FNDC3A: variants seen among roughly 807,000 people sequenced by gnomAD.
FNDC3A encodes the protein fibronectin type-III domain-containing protein 3A.
Under a neutral mutation model 148.9 loss-of-function variants are expected in FNDC3A, and 32 were observed. The observed-to-expected ratio is 0.21, with a 90% CI of 0.16 to 0.29. The LOEUF is 0.29. Ranked by LOEUF, FNDC3A falls within the 10% of genes least tolerant of loss-of-function variation. The probability of loss-of-function intolerance (pLI) is 1.00; values close to 1 mark genes in which losing one functional copy is unlikely to be tolerated. For synonymous variants in FNDC3A, 472 were observed against 473.6 expected (o/e 1.00, Z 0.04); for missense variants, 1,191 against 1,452.8 (o/e 0.82, Z 2.93).
chr13:49,067,783 T>C (rs750484395), intron 2 of FNDC3A, among the ~76,000 whole-genome samples: 14 of 152,154 alleles, frequency 9.2e-5, no homozygotes, highest in East Asian at 1.9e-4. Context: ...TATATACCAA[T>C]CCAGGTTGTT....
intron 2 of FNDC3A, among the ~76,000 whole-genome samples, chr13:49,017,530 A>G (rs563068647): frequency 7.9e-5 from 12 of 152,292 alleles, no homozygotes; most frequent in Admixed American, 5.9e-4. Flanking sequence ...AATACAGCAC[A>G]CTGATGGGTC....
intron 2 of FNDC3A, among the ~76,000 whole-genome samples, chr13:49,054,771 G>A (rs1049970552): frequency 7.2e-4 from 109 of 152,242 alleles, no homozygotes; most frequent in Non-Finnish European, 1.4e-3. Context: ...AGGTGGAAGG[G>A]CAGTTGCCTG....
intron 8 of FNDC3A, among the ~76,000 whole-genome samples, chr13:49,166,294 C>A (rs889133824): frequency 6.6e-6 from 1 of 152,218 alleles, no homozygotes. Context: ...TGTGCAGCAG[C>A]TTCACTGCTG....
intron 10 of FNDC3A, 52 bp from the exon 11 acceptor site, chr13:49,171,991 A>G: frequency 8.2e-7 from 1 of 1,218,112 alleles, no homozygotes; most frequent in Non-Finnish European, 1.2e-6. Flanking sequence ...TCACAGTATC[A>G]TTTATGAATG....
intron 2 of FNDC3A, among the ~76,000 whole-genome samples, chr13:49,071,005 C>T (rs941581293): frequency 6.8e-6 from 1 of 148,050 alleles, no homozygotes; most frequent in Admixed American, 6.8e-5. Context: ...ATAAAGCAAT[C>T]CTCCTGCCTC....
intron 5 of FNDC3A, 108 bp downstream of exon 5, chr13:49,131,482 G>T: frequency 1.2e-6 from 1 of 827,626 alleles, no homozygotes; most frequent in Non-Finnish European, 2.0e-6. Flanking sequence ...TGGTAATGAT[G>T]TAACAGGCAT....
chr13:49,161,359 A>G (rs751075814), intron 8 of FNDC3A, among the ~76,000 whole-genome samples: 6 of 152,200 alleles, frequency 3.9e-5, no homozygotes, highest in Non-Finnish European at 8.8e-5. Context: ...CCATTATGTA[A>G]TGGCCTTGTC....
At chr13:49,151,799 A>C (rs1226799697) in intron 8 of FNDC3A, among the ~76,000 whole-genome samples, 1 of 152,006 alleles carries the variant, frequency 6.6e-6, no homozygotes, top group African/African-American at 2.4e-5. Context: ...TCATTGTTCA[A>C]TTTCCACCTA....
chr13:49,143,084 T>C (rs1291907625), intron 7 of FNDC3A, among the ~76,000 whole-genome samples: 1 of 152,164 alleles, frequency 6.6e-6, no homozygotes, highest in Non-Finnish European at 1.5e-5. Flanking sequence ...GCCAGGCTGG[T>C]CTTGAACTCT....
chr13:49,182,829 C>T (rs1230728955), intron 14 of FNDC3A, among the ~76,000 whole-genome samples: 1 of 151,992 alleles, frequency 6.6e-6, no homozygotes, highest in Non-Finnish European at 1.5e-5. Flanking sequence ...CCTAAGTGTG[C>T]CCTAGCTAAG....
chr13:49,152,078 T>C (rs1414955077), intron 8 of FNDC3A, among the ~76,000 whole-genome samples: 3 of 152,196 alleles, frequency 2.0e-5, no homozygotes, highest in Admixed American at 6.5e-5. Flanking sequence ...TAATAATCCT[T>C]TGTGTATATA....
At chr13:49,030,972 A>G (rs1038027453) in intron 2 of FNDC3A, among the ~76,000 whole-genome samples, 1 of 152,226 alleles carries the variant, frequency 6.6e-6, no homozygotes, top group Non-Finnish European at 1.5e-5. Flanking sequence ...TTCCCAGCTT[A>G]CTTCTTTGTA....
chr13:49,207,297 G>A lies in FNDC3A; in HGVS notation c.3499G>A (p.Ala1167Thr). The change falls in exon 26 of 26, where the codon GCA becomes ACA. Residue 1167 changes from alanine to threonine, a missense_variant. Ala to Thr is a moderately conservative substitution (Grantham distance 58). Transcript: ENST00000492622. ...DTVESTRTRR[A>T]LSDEQCAAVI... ...TGTGGAAAGCACAAGGACCCGACGG[G>A]CACTGAGTGACGAGCAGTGTGCTGC... 6.2e-7 allele frequency: 1 copy of A among 1,614,110 alleles called. No individual in the cohort carries two copies. The highest frequency in any genetic ancestry group is 8.5e-7 in the Non-Finnish European group (1 of 1,179,958).
At chr13:49,173,534 C>T (rs1197910129) in intron 11 of FNDC3A, among the ~76,000 whole-genome samples, 1 of 152,096 alleles carries the variant, frequency 6.6e-6, no homozygotes, top group Non-Finnish European at 1.5e-5. Context: ...TCAAGATTGC[C>T]AATTATCCCT....
chr13:49,169,615 G>C (rs1027208204), intron 10 of FNDC3A, among the ~76,000 whole-genome samples: 1 of 152,124 alleles, frequency 6.6e-6, no homozygotes, highest in African/African-American at 2.4e-5. Flanking sequence ...CCCTAGAATG[G>C]GGTACCACTC....
In FNDC3A at chr13:49,207,332, T is replaced by A; in HGVS notation, c.3534T>A (p.Leu1178=). 8 of 1,613,842 alleles carry A rather than the reference T, an allele frequency of 5.0e-6. No individual in the cohort carries two copies. Among genetic ancestry groups the A allele is most frequent in the Non-Finnish European group, 6.8e-6 (8 of 1,179,670 alleles). ...ACGAGCAGTGTGCTGCCGTCATCCT[T>A]GTGCTGTTTGCTTTCTTTTCCATTT... ...LSDEQCAAVI[L]VLFAFFSILI... The change falls in exon 26 of 26, where the codon CTT becomes CTA. Residue 1178 remains leucine, a synonymous_variant. Coordinates refer to ENST00000492622, the MANE Select transcript of FNDC3A (RefSeq NM_001079673.2).
intron 2 of FNDC3A, among the ~76,000 whole-genome samples, chr13:49,028,522 A>T (rs1873886972): frequency 6.6e-6 from 1 of 152,138 alleles, no homozygotes; most frequent in Non-Finnish European, 1.5e-5. Flanking sequence ...TACAGACATG[A>T]GCCACACTGT....
chr13:49,016,244 T>C (rs1872767895), intron 2 of FNDC3A, among the ~76,000 whole-genome samples: 3 of 152,174 alleles, frequency 2.0e-5, no homozygotes. Context: ...GGACTCTTTT[T>C]GGTTGGTAAG....
intron 2 of FNDC3A, among the ~76,000 whole-genome samples, chr13:49,013,205 C>T (rs1212363677): frequency 6.6e-6 from 1 of 151,928 alleles, no homozygotes; most frequent in Non-Finnish European, 1.5e-5. Context: ...GTACCAGCTA[C>T]TCAGGAGGCT....
Sources: gnomAD v4.1 joint callset for allele counts (sites outside exome capture counted in the v4.1 genomes callset) on GRCh38, gnomAD v4.1.1 for gene constraint, MANE v1.5 for transcripts, NCBI Gene and HGNC (gene_info 2026-07-23, HGNC 2026-07-21) for gene names.